PPFIA2: variants seen among roughly 807,000 people sequenced by gnomAD.
The protein encoded by PPFIA2 is PPFI scaffold protein A2.
Under a neutral mutation model 175.5 loss-of-function variants are expected in PPFIA2, and 46 were observed. That is an observed-to-expected ratio of 0.26 (90% CI 0.21 to 0.34). The LOEUF (loss-of-function observed/expected upper bound fraction) is 0.34, where lower values mean the gene tolerates loss of function less well. PPFIA2 is among the 10% of genes least tolerant of loss of function. The pLI is 1.00. For missense variants in PPFIA2, 1,179 were observed against 1,506.1 expected (o/e 0.78, Z 3.60); for synonymous variants, 568 against 511.4 (o/e 1.11, Z -1.49).
intron 4 of PPFIA2, among the ~76,000 whole-genome samples, chr12:81,476,179 A>G (rs2057453686): frequency 6.6e-6 from 1 of 152,152 alleles, no homozygotes; most frequent in East Asian, 1.9e-4. Context: ...GCAAATATCT[A>G]CAGGGTGCTC....
chr12:81,708,051 T>C (rs1030332078), intron 3 of PPFIA2, among the ~76,000 whole-genome samples: 3 of 145,204 alleles, frequency 2.1e-5, no homozygotes, highest in South Asian at 2.3e-4. Flanking sequence ...AGGGATAGCA[T>C]TGGGAGATAT....
chr12:81,566,731 A>T (rs1466278588), intron 4 of PPFIA2, among the ~76,000 whole-genome samples: 1 of 152,064 alleles, frequency 6.6e-6, no homozygotes, highest in Non-Finnish European at 1.5e-5. Context: ...GATTCCTGTA[A>T]GATTTCAGTG....
intron 4 of PPFIA2, among the ~76,000 whole-genome samples, chr12:81,594,483 G>C (rs1047659990): frequency 5.9e-5 from 9 of 152,136 alleles, no homozygotes; most frequent in South Asian, 2.1e-4. Flanking sequence ...TATTCCTTTG[G>C]TTTGAAGAAA....
At chr12:81,662,180 G>C (rs1400103092) in intron 4 of PPFIA2, among the ~76,000 whole-genome samples, 1 of 151,938 alleles carries the variant, frequency 6.6e-6, no homozygotes, top group African/African-American at 2.4e-5. Flanking sequence ...GCTAGCAGAA[G>C]GCAAGAAATA....
chr12:81,600,457 T>C (rs769540590), intron 4 of PPFIA2, among the ~76,000 whole-genome samples: 2 of 151,960 alleles, frequency 1.3e-5, no homozygotes, highest in Non-Finnish European at 2.9e-5. Context: ...TCGCTTATGA[T>C]TTGCTGAAAC....
At chr12:81,675,122 AATATT>A (rs1370789000) in intron 4 of PPFIA2, among the ~76,000 whole-genome samples, 1 of 151,822 alleles carries the variant, frequency 6.6e-6, no homozygotes, top group Non-Finnish European at 1.5e-5. Flanking sequence ...TCCTCTTCAC[AATATT>A]ATAAGTTGTT....
chr12:81,612,193 ACTT>A (rs147703042), intron 4 of PPFIA2, among the ~76,000 whole-genome samples: 4,190 of 151,052 alleles, frequency 0.028, 68 homozygotes, highest in East Asian at 0.079. Flanking sequence ...CATACATCCT[ACTT>A]CTGGGCCTTC....
In PPFIA2 at chr12:81,569,295, T is replaced by C. The variant is rs572729681; in HGVS notation, c.303+107496A>G. Among the ~76,000 whole-genome samples the C allele has an allele frequency of 4.7e-4, 71 of 152,276 alleles. No individual in the cohort carries two copies. The South Asian group carries it at 0.014, about 31-fold the overall frequency. On this transcript the variant is annotated intron_variant, in intron 4 of 32. Coordinates refer to ENST00000549396, the MANE Select transcript of PPFIA2 (RefSeq NM_003625.5). ...TTGAAGAAACTTTATACCATATTGG[T>C]TCTGCTGTACAAATGAGAGATAAAA...
At chr12:81,263,497 G>T (rs2036275778) in intron 30 of PPFIA2, 107 bp from the exon 31 acceptor site, 2 of 987,742 alleles carry the variant, frequency 2.0e-6, no homozygotes, top group Non-Finnish European at 2.9e-6. Flanking sequence ...CATTTAGTCT[G>T]TCAAGTATAC....
intron 17 of PPFIA2, among the ~76,000 whole-genome samples, chr12:81,348,123 C>A (rs998843567): frequency 6.6e-6 from 1 of 152,060 alleles, no homozygotes; most frequent in Non-Finnish European, 1.5e-5. Flanking sequence ...TCAGGAACCA[C>A]TAAAAGAGAC....
chr12:81,564,898 A>T (rs774570448), intron 4 of PPFIA2, among the ~76,000 whole-genome samples: 3 of 152,128 alleles, frequency 2.0e-5, no homozygotes, highest in Non-Finnish European at 2.9e-5. Context: ...AATTGTGGAA[A>T]AACAGACACA....
intron 4 of PPFIA2, among the ~76,000 whole-genome samples, chr12:81,517,570 C>T (rs1350104776): frequency 1.3e-5 from 2 of 152,240 alleles, no homozygotes; most frequent in African/African-American, 2.4e-5. Context: ...GACTGAAATA[C>T]GGCTATCTGA....
intron 4 of PPFIA2, among the ~76,000 whole-genome samples, chr12:81,563,539 C>A (rs2070650385): frequency 6.6e-6 from 1 of 152,140 alleles, no homozygotes; most frequent in Non-Finnish European, 1.5e-5. Context: ...CTTCTTAGTT[C>A]ACATCTAATC....
chr12:81,556,694 T>TA (rs989188276), intron 4 of PPFIA2, among the ~76,000 whole-genome samples: 45 of 149,426 alleles, frequency 3.0e-4, no homozygotes, highest in African/African-American at 6.8e-4. Context: ...TGTGGAGTAT[T>TA]AAAAAAAAAA....
chr12:81,650,313 T>G (rs2066843758), intron 4 of PPFIA2, among the ~76,000 whole-genome samples: 1 of 151,970 alleles, frequency 6.6e-6, no homozygotes, highest in Admixed American at 6.6e-5. Flanking sequence ...CCAGCAAAAT[T>G]GTGTATTTTT....
intron 4 of PPFIA2, among the ~76,000 whole-genome samples, chr12:81,599,221 A>G (rs2059554508): frequency 6.6e-6 from 1 of 151,966 alleles, no homozygotes; most frequent in African/African-American, 2.4e-5. Flanking sequence ...TGTCTTTGTG[A>G]ATGTATCTAA....
chr12:81,451,478 G>A (rs549157588), intron 5 of PPFIA2, among the ~76,000 whole-genome samples: 1 of 152,244 alleles, frequency 6.6e-6, no homozygotes, highest in African/African-American at 2.4e-5. Context: ...GGGCTTGTGA[G>A]AAAAATTTAC....
intron 5 of PPFIA2, among the ~76,000 whole-genome samples, chr12:81,449,826 T>C (rs1325547519): frequency 7.1e-6 from 1 of 141,048 alleles, no homozygotes; most frequent in Non-Finnish European, 1.5e-5. Flanking sequence ...TGTGTGATGT[T>C]CCCCTTCCTG....
At chr12:81,535,553 ACATT>A (rs2153312711) in intron 4 of PPFIA2, 1 of 440,386 alleles carries the variant, frequency 2.3e-6, no homozygotes, top group African/African-American at 2.0e-5. Flanking sequence ...AAAAATACAT[ACATT>A]TCTCTGTCCT....
Sources: gnomAD v4.1 joint callset for allele counts (sites outside exome capture counted in the v4.1 genomes callset) on GRCh38, gnomAD v4.1.1 for gene constraint, MANE v1.5 for transcripts, NCBI Gene and HGNC (gene_info 2026-07-23, HGNC 2026-07-21) for gene names.